Variants in RBFOX1 observed in about 807,000 individuals in gnomAD.
The protein encoded by RBFOX1 is RNA binding protein fox-1 homolog 1.
In RBFOX1, 8 loss-of-function variants were observed where a neutral mutation model predicts 57.7. The ratio of observed to expected loss-of-function variants is 0.14; its 90% CI spans 0.08 to 0.25. RBFOX1 has a LOEUF of 0.25. RBFOX1 is among the 10% of genes least tolerant of loss of function. The pLI is 1.00. For synonymous variants in RBFOX1, 326 were observed against 222.4 expected (o/e 1.47, Z -4.15); for missense variants, 611 against 548.5 (o/e 1.11, Z -1.14).
intron 3 of RBFOX1, among the ~76,000 whole-genome samples, chr16:5,680,618 G>A (rs1053015853): frequency 2.0e-5 from 3 of 152,184 alleles, no homozygotes; most frequent in African/African-American, 7.2e-5. Context: ...AGAAGTGGCT[G>A]TTAAAGTCAG....
intron 3 of RBFOX1, chr16:6,774,060 T>C: frequency 1.1e-6 from 1 of 922,812 alleles, no homozygotes; most frequent in Non-Finnish European, 1.3e-6. Flanking sequence ...ATTGGCTTTC[T>C]GATTTCCCAT....
chr16:6,580,701 C>G (rs2097524977), intron 2 of RBFOX1, among the ~76,000 whole-genome samples: 1 of 152,116 alleles, frequency 6.6e-6, no homozygotes, highest in African/African-American at 2.4e-5. Context: ...TCATTATTCT[C>G]CTTACCTTTC....
intron 1 of RBFOX1, among the ~76,000 whole-genome samples, chr16:6,217,174 CTTTTT>C (rs71142697): frequency 1.7e-5 from 2 of 119,060 alleles, no homozygotes; most frequent in Non-Finnish European, 3.3e-5. Context: ...TTAGGGGATT[CTTTTT>C]TTTTTTTTTT....
At chr16:7,026,728 T>C (rs757725288) in intron 3 of RBFOX1, among the ~76,000 whole-genome samples, 3 of 152,152 alleles carry the variant, frequency 2.0e-5, no homozygotes, top group Non-Finnish European at 2.9e-5. Context: ...CTTTCTTCCA[T>C]ACCTCCCCTA....
chr16:5,259,203 T>C (rs2062666610), intron 1 of RBFOX1, among the ~76,000 whole-genome samples: 1 of 151,626 alleles, frequency 6.6e-6, no homozygotes, highest in African/African-American at 2.4e-5. Flanking sequence ...TTTTTTTTAG[T>C]GTTTTCCATA....
At chr16:7,337,630 C>T (rs937432408) in intron 4 of RBFOX1, among the ~76,000 whole-genome samples, 2 of 152,156 alleles carry the variant, frequency 1.3e-5, no homozygotes, top group African/African-American at 2.4e-5. Context: ...GAATGGGCTT[C>T]ATCTATACCA....
chr16:5,764,048 C>G (rs563802407), intron 3 of RBFOX1, among the ~76,000 whole-genome samples: 2 of 152,306 alleles, frequency 1.3e-5, no homozygotes, highest in South Asian at 4.1e-4. Context: ...AGAATCACAT[C>G]ACACACACCG....
At chr16:7,292,853 G>T (rs1382716266) in intron 4 of RBFOX1, among the ~76,000 whole-genome samples, 1 of 152,116 alleles carries the variant, frequency 6.6e-6, no homozygotes, top group Non-Finnish European at 1.5e-5. Flanking sequence ...GGTTTGGAAA[G>T]ATGGCTTGAT....
intron 4 of RBFOX1, chr16:7,304,265 C>G: frequency 1.0e-6 from 1 of 983,026 alleles, no homozygotes; most frequent in Non-Finnish European, 1.2e-6. Flanking sequence ...AGCCACCGGT[C>G]ATTGACTTAG....
chr16:6,321,081 A>G (rs2081732309), intron 2 of RBFOX1, among the ~76,000 whole-genome samples: 1 of 152,228 alleles, frequency 6.6e-6, no homozygotes, highest in Admixed American at 6.5e-5. Context: ...GGCATGAGCC[A>G]TCACGTTAAA....
Position 6,317,074 on chromosome 16 carries a change from T to C in RBFOX1, c.-64+17T>C. 6.5e-7 allele frequency: 1 copy of C among 1,527,392 alleles called. No individual in the cohort carries two copies. The highest frequency in any genetic ancestry group is 8.8e-7 in the Non-Finnish European group (1 of 1,139,198). 94.6% of individuals were successfully genotyped at this position (1,527,392 alleles called of 1,614,324 possible). A position where few individuals can be genotyped will look rare whatever the true frequency, so the allele number is the denominator to read the frequency against. Reference sequence around the variant, plus strand: ...CAGCATTCAGTAAGTGCAACCCATTTTGAACATTCATTCCATAAATACATC... The same window carrying C: ...CAGCATTCAGTAAGTGCAACCCATTCTGAACATTCATTCCATAAATACATC... On this transcript the variant is annotated intron_variant, in intron 2 of 15. Transcript: ENST00000550418.
At chr16:7,223,455 TTCGC>T in intron 4 of RBFOX1, among the ~76,000 whole-genome samples, 1 of 152,170 alleles carries the variant, frequency 6.6e-6, no homozygotes, top group Admixed American at 6.5e-5. Flanking sequence ...TCATGACAAA[TTCGC>T]ATTGGTAATG....
At chr16:5,694,054 G>A (rs2050774092) in intron 3 of RBFOX1, among the ~76,000 whole-genome samples, 1 of 152,190 alleles carries the variant, frequency 6.6e-6, no homozygotes, top group African/African-American at 2.4e-5. Context: ...ATAAATTTGA[G>A]CTCAGCTCTC....
chr16:5,381,497 C>T (rs1222488761), intron 1 of RBFOX1, among the ~76,000 whole-genome samples: 1 of 152,156 alleles, frequency 6.6e-6, no homozygotes, highest in East Asian at 1.9e-4. Context: ...CTAGCAAGCT[C>T]CCTGGTGAAG....
At chr16:6,001,522 C>T (rs1449173964) in intron 4 of RBFOX1, among the ~76,000 whole-genome samples, 1 of 152,108 alleles carries the variant, frequency 6.6e-6, no homozygotes, top group Non-Finnish European at 1.5e-5. Flanking sequence ...TGTCTAACTC[C>T]AGAGTCCATG....
chr16:5,833,494 CAAAAAA>C (rs1183168830), intron 3 of RBFOX1, among the ~76,000 whole-genome samples: 5 of 59,568 alleles, frequency 8.4e-5, no homozygotes, highest in South Asian at 6.2e-4. Context: ...GACTCTATCT[CAAAAAA>C]AAAAAAAAAA....
rs549203169 is a variant in RBFOX1 at position 5,886,749 on chromosome 16, G to T, written c.351+19414G>T. 5.3e-5 allele frequency among the ~76,000 whole-genome samples: 8 copies of T among 152,322 alleles called. No homozygotes were observed. In the South Asian group the frequency reaches 1.7e-3, roughly 32 times the overall value. On this transcript the variant is annotated intron_variant, in intron 4 of 19. Coordinates refer to the RBFOX1 transcript ENST00000641259. ...CTTAAAATACAAAAATTAGCTCTGT[G>T]TAGTGGCAGATGCCTGTAATCCCAG...
intron 4 of RBFOX1, among the ~76,000 whole-genome samples, chr16:7,448,999 G>A (rs975588733): frequency 3.0e-5 from 4 of 132,160 alleles, no homozygotes; most frequent in African/African-American, 8.6e-5. Flanking sequence ...GCGCGATATC[G>A]GCTCACCACA....
chr16:5,479,485 A>T (rs1198157292), intron 2 of RBFOX1, among the ~76,000 whole-genome samples: 1 of 152,164 alleles, frequency 6.6e-6, no homozygotes, highest in Non-Finnish European at 1.5e-5. Flanking sequence ...CCGGCCAGGC[A>T]TGGTGGCTCA....
Sources: allele counts gnomAD v4.1 joint callset (sites outside exome capture counted in the v4.1 genomes callset), GRCh38; gene constraint gnomAD v4.1.1; transcripts MANE v1.5; gene names NCBI Gene and HGNC (gene_info 2026-07-23, HGNC 2026-07-21).